Variants in TRIM25 observed in about 807,000 individuals in gnomAD.
TRIM25 encodes the protein tripartite motif containing 25.
TRIM25 carries 45 observed loss-of-function variants against 65.2 expected under a neutral mutation model. The ratio of observed to expected loss-of-function variants is 0.69; its 90% CI spans 0.54 to 0.89. The LOEUF is 0.89. Among genes scored for constraint, TRIM25 ranks in the 40% least tolerant of loss-of-function variants. The pLI, the probability that TRIM25 is intolerant of heterozygous loss-of-function variation, is 0.00. For missense variants in TRIM25, 714 were observed against 803.7 expected (o/e 0.89, Z 1.35); for synonymous variants, 321 against 340.4 (o/e 0.94, Z 0.63).
At position 56,913,167 on chromosome 17, in the gene TRIM25, A is replaced by C. The variant is rs1248366489; in HGVS notation, c.597+225T>G. 6 of 413,868 alleles carry C rather than the reference A, an allele frequency of 1.4e-5. No homozygotes were observed. The highest frequency in any genetic ancestry group is 1.3e-5 in the Non-Finnish European group (3 of 235,844). 25.6% of individuals were successfully genotyped at this position (413,868 alleles called of 1,614,324 possible). On this transcript the variant is annotated intron_variant, in intron 1 of 8. Transcript: ENST00000316881. This position sits in a 1 kb window ranked among gnomAD's most constrained non-coding sequence, Gnocchi z 6.1. ...AAAAAATAAAAATAAACACCATCAG[A>C]CAATGACAGGATTATGGCAAGCAAC... is the stretch of plus-strand genomic sequence containing the variant.
At chr17:56,902,283 G>C (rs1340795869) in intron 3 of TRIM25, among the ~76,000 whole-genome samples, 1 of 152,094 alleles carries the variant, frequency 6.6e-6, no homozygotes, top group East Asian at 1.9e-4. Flanking sequence ...AAGGAATCTG[G>C]GTCTTTCAGG....
Position 56,901,730 on chromosome 17 carries a change from T to C in TRIM25, c.928-152A>G, listed in dbSNP as rs540034133. ...TACAGGCCAGAGGTCACCAGGAGTTTAAATGACACTTGAAGACACAGTAAT... is the reference window on the plus strand; with the variant it reads ...TACAGGCCAGAGGTCACCAGGAGTTCAAATGACACTTGAAGACACAGTAAT... On this transcript the variant is annotated intron_variant, in intron 3 of 8. Transcript: ENST00000316881. The C allele has an allele frequency of 2.4e-5, 23 of 963,734 alleles. No individual in the cohort carries two copies. The Admixed American group carries it at 4.0e-4, about 17-fold the overall frequency. The allele number at this position is 963,734 out of a possible 1,614,324, so 59.7% of individuals were successfully genotyped here.
intron 4 of TRIM25, among the ~76,000 whole-genome samples, chr17:56,900,073 G>A (rs1213167657): frequency 6.6e-6 from 1 of 152,170 alleles, no homozygotes; most frequent in Admixed American, 6.5e-5. Flanking sequence ...AATTAGCCAG[G>A]TGTGGTGGCA....
intron 4 of TRIM25, 121 bp downstream of exon 4, chr17:56,901,298 G>T: frequency 8.9e-7 from 1 of 1,118,614 alleles, no homozygotes; most frequent in Non-Finnish European, 1.3e-6. Flanking sequence ...TGTTTCAGGA[G>T]CCCTGAAACT....
intron 8 of TRIM25, 36 bp downstream of exon 8, chr17:56,895,307 C>T (rs749644000): frequency 3.2e-6 from 5 of 1,561,146 alleles, no homozygotes; most frequent in Non-Finnish European, 4.4e-6. Context: ...AGAGACAGAA[C>T]CAGTGGAACC....
intron 5 of TRIM25, 96 bp downstream of exon 5, chr17:56,899,019 C>T: frequency 1.4e-6 from 2 of 1,440,308 alleles, no homozygotes; most frequent in East Asian, 2.3e-5. Flanking sequence ...GGTCCAGGCC[C>T]CACAGTGACT....
intron 4 of TRIM25, 89 bp from the exon 5 acceptor site, chr17:56,899,269 G>A (rs1274844409): frequency 4.5e-6 from 6 of 1,325,936 alleles, no homozygotes; most frequent in Middle Eastern, 3.6e-4. Flanking sequence ...GCAGGCAGAG[G>A]GTTTACACAG....
chr17:56,912,343 A>G (rs1278193865), intron 1 of TRIM25, among the ~76,000 whole-genome samples: 6 of 152,200 alleles, frequency 3.9e-5, no homozygotes, highest in African/African-American at 2.4e-5. Flanking sequence ...CAGCCTCACT[A>G]TACTGGTGAG....
In TRIM25 at chr17:56,904,454, T is replaced by G; in HGVS notation, c.728A>C (p.Gln243Pro). ...TANRKVEQLQ[Q>P]EYTEMKALLD... ...GAGAGCCTTCATTTCCGTGTATTCT[T>G]GTTGTAGCTGCTCCACCTTTCTGTT... The change falls in exon 3 of 9, where the codon CAA becomes CCA. Residue 243 changes from glutamine (Q) to proline (P), a missense_variant. Coordinates refer to ENST00000316881, the MANE Select transcript of TRIM25 (RefSeq NM_005082.5). 6.2e-7 allele frequency: 1 copy of G among 1,614,170 alleles called. No individual in the cohort carries two copies. The highest frequency in any genetic ancestry group is 8.5e-7 in the Non-Finnish European group (1 of 1,180,022).
At chr17:56,897,841 C>G (rs1385096378) in intron 5 of TRIM25, among the ~76,000 whole-genome samples, 1 of 152,194 alleles carries the variant, frequency 6.6e-6, no homozygotes, top group Non-Finnish European at 1.5e-5. Flanking sequence ...TTTCACTCCT[C>G]TTTTCACACA....
chr17:56,889,596 T>G lies in TRIM25; in HGVS notation c.*2104A>C. On this transcript the variant is annotated 3_prime_UTR_variant, in exon 9 of 9. Transcript: ENST00000316881. ...ACAGAGCTTGGCTTTGGTTACCTAC[T>G]TGACTCTCTTTTAAACAGAGGGTCT... The G allele has an allele frequency of 2.5e-6, 1 of 396,112 alleles. No homozygotes were observed. Among genetic ancestry groups the G allele is most frequent in the Non-Finnish European group, 4.4e-6 (1 of 225,066 alleles). 24.5% of individuals were successfully genotyped at this position (396,112 alleles called of 1,614,324 possible). A position where few individuals can be genotyped will look rare whatever the true frequency, so the allele number is the denominator to read the frequency against.
At chr17:56,895,720 G>C in intron 6 of TRIM25, 116 bp from the exon 7 acceptor site, 9 of 1,273,046 alleles carry the variant, frequency 7.1e-6, no homozygotes, top group Non-Finnish European at 9.8e-6. Flanking sequence ...ACAACACAGG[G>C]GAAAACAGAC....
intron 2 of TRIM25, 66 bp from the exon 3 acceptor site, chr17:56,904,554 C>T (rs1377304294): frequency 6.9e-7 from 1 of 1,441,296 alleles, no homozygotes; most frequent in Non-Finnish European, 9.7e-7. Flanking sequence ...CAGCCCCAAG[C>T]ATGGGTGAGA....
Position 56,889,033 on chromosome 17 carries a change from C to T in TRIM25, c.*2667G>A, listed in dbSNP as rs188763317. ...GAGTTAACTCTAAAAAAATATTAAG[C>T]TCAAGAAATAACAGCTCAAATACTC... On this transcript the variant is annotated 3_prime_UTR_variant, in exon 9 of 9. Transcript: ENST00000316881. 1 of 152,256 alleles carries T rather than the reference C, an allele frequency of 6.6e-6. No individual in the cohort carries two copies. The highest frequency in any genetic ancestry group is 2.4e-5 in the African/African-American group (1 of 41,534). 9.4% of individuals were successfully genotyped at this position (152,256 alleles called of 1,614,324 possible). A position where few individuals can be genotyped will look rare whatever the true frequency, so the allele number is the denominator to read the frequency against.
chr17:56,904,434 C>T lies in TRIM25; in HGVS notation c.748G>A (p.Ala250Thr), dbSNP rs1355067737. The change falls in exon 3 of 9, where the codon GCT becomes ACT. Residue 250 changes from alanine to threonine, a missense_variant. Ala to Thr is a moderately conservative substitution (Grantham distance 58). Around this residue, in one of 3 missense-constraint regions of TRIM25, gnomAD observed 413 missense variants for 498.2 expected, o/e 0.83. Coordinates refer to ENST00000316881, the MANE Select transcript of TRIM25 (RefSeq NM_005082.5). ...QLQQEYTEMK[A>T]LLDASETTST... ...GTGGTCTCTGAGGCGTCCAAGAGAGCCTTCATTTCCGTGTATTCTTGTTGT... is the reference window on the plus strand; with the variant it reads ...GTGGTCTCTGAGGCGTCCAAGAGAGTCTTCATTTCCGTGTATTCTTGTTGT... 6.2e-7 allele frequency: 1 copy of T among 1,614,126 alleles called. No individual in the cohort carries two copies. Among genetic ancestry groups the T allele is most frequent in the South Asian group, 1.1e-5 (1 of 91,076 alleles).
At position 56,891,591 on chromosome 17, in the gene TRIM25, CAAT is replaced by C; in HGVS notation, c.*106_*108del. 1 of 1,309,400 alleles carries C rather than the reference CAAT, an allele frequency of 7.6e-7. No homozygotes were observed. Among genetic ancestry groups the C allele is most frequent in the Non-Finnish European group, 1.0e-6 (1 of 963,404 alleles). The allele number at this position is 1,309,400 out of a possible 1,614,324, so 81.1% of individuals were successfully genotyped here. A position where few individuals can be genotyped will look rare whatever the true frequency, so the allele number is the denominator to read the frequency against. On this transcript the variant is annotated 3_prime_UTR_variant, in exon 9 of 9. Coordinates refer to ENST00000316881, the MANE Select transcript of TRIM25 (RefSeq NM_005082.5). Reference sequence around the variant, plus strand: ...CCCGCCAGCTCCCCTCCCATGCTCCCAATCCTTGGGACCTCTTGGGGAATTATC... The same window carrying C: ...CCCGCCAGCTCCCCTCCCATGCTCCCCCTTGGGACCTCTTGGGGAATTATC...
intron 3 of TRIM25, among the ~76,000 whole-genome samples, chr17:56,902,106 T>G (rs1276019690): frequency 6.6e-6 from 1 of 152,214 alleles, no homozygotes; most frequent in Non-Finnish European, 1.5e-5. Flanking sequence ...GAAGCCTAGA[T>G]GTGCACTCAG....
chr17:56,901,363 G>C, intron 4 of TRIM25, 56 bp downstream of exon 4: 1 of 1,558,124 alleles, frequency 6.4e-7, no homozygotes, highest in South Asian at 1.2e-5. Flanking sequence ...ACATTTAGGG[G>C]ACCCATCGGG....
Position 56,913,427 on chromosome 17 carries a change from G to C in TRIM25, c.562C>G (p.Pro188Ala). Residue 188 changes from proline to alanine, a missense_variant, in exon 1 of 9, where the codon CCC becomes GCC. This residue lies in a region of TRIM25 where 291 missense variants were observed against 281.8 expected (regional missense o/e 1.03). Transcript: ENST00000316881. This position sits in a 1 kb window ranked among gnomAD's most constrained non-coding sequence, Gnocchi z 6.1. ...ICLVEHKTCSPASLSQASADL... is the reference protein window; with the variant it reads ...ICLVEHKTCSAASLSQASADL... ...GCGCTGGCCTGGCTCAGGGACGCGG[G>C]AGAGCAGGTCTTATGCTCCACCAGG... 6.3e-7 allele frequency: 1 copy of C among 1,590,806 alleles called. No individual in the cohort carries two copies. Among genetic ancestry groups the C allele is most frequent in the Non-Finnish European group, 8.6e-7 (1 of 1,165,080 alleles).
Sources: allele counts gnomAD v4.1 joint callset (sites outside exome capture counted in the v4.1 genomes callset), GRCh38; gene constraint gnomAD v4.1.1; regional missense constraint gnomAD v4.1.1; non-coding constraint Gnocchi (gnomAD v3.1); transcripts MANE v1.5; gene names NCBI Gene and HGNC (gene_info 2026-07-23, HGNC 2026-07-21).